MARK1: variants seen among roughly 807,000 people sequenced by gnomAD.
The protein encoded by MARK1 is serine/threonine-protein kinase MARK1.
In MARK1, 40 loss-of-function variants were observed where a neutral mutation model predicts 96.3. The ratio of observed to expected loss-of-function variants is 0.42; its 90% CI spans 0.32 to 0.54. MARK1 has a LOEUF of 0.54. Among genes scored for constraint, MARK1 ranks in the 20% least tolerant of loss-of-function variants. MARK1 has a pLI of 0.16. For missense variants in MARK1, 719 were observed against 984.6 expected (o/e 0.73, Z 3.61); for synonymous variants, 317 against 341.2 (o/e 0.93, Z 0.78).
intron 16 of MARK1, among the ~76,000 whole-genome samples, chr1:220,655,009 A>T (rs576963202): frequency 6.6e-6 from 1 of 152,338 alleles, no homozygotes; most frequent in South Asian, 2.1e-4. Context: ...TGTAGGAGCT[A>T]TTGCTACGGC....
chr1:220,605,546 A>G (rs1182709989), intron 6 of MARK1, among the ~76,000 whole-genome samples: 2 of 151,378 alleles, frequency 1.3e-5, no homozygotes, highest in Admixed American at 6.6e-5. Flanking sequence ...TTTAAGTTTC[A>G]GGGTACATGT....
At chr1:220,600,785 A>G (rs1216951586) in intron 5 of MARK1, among the ~76,000 whole-genome samples, 1 of 152,186 alleles carries the variant, frequency 6.6e-6, no homozygotes, top group Non-Finnish European at 1.5e-5. Context: ...AATGAAATTT[A>G]TAATTTTTAT....
intron 1 of MARK1, among the ~76,000 whole-genome samples, chr1:220,541,442 A>T (rs1661140827): frequency 6.6e-6 from 1 of 152,098 alleles, no homozygotes. Flanking sequence ...AATTTGTTCT[A>T]TAGTGTTCTT....
chr1:220,588,318 G>A (rs896069515), intron 3 of MARK1, among the ~76,000 whole-genome samples: 1 of 152,066 alleles, frequency 6.6e-6, no homozygotes. Flanking sequence ...GAAATTATAA[G>A]ACTTATAATC....
intron 1 of MARK1, among the ~76,000 whole-genome samples, chr1:220,536,467 G>C (rs1238508948): frequency 7.4e-5 from 11 of 148,994 alleles, no homozygotes; most frequent in Non-Finnish European, 1.6e-4. Context: ...ATACAATTAT[G>C]ACTATTTTCC....
chr1:220,595,347 C>G (rs1338329097), intron 3 of MARK1, among the ~76,000 whole-genome samples: 2 of 152,198 alleles, frequency 1.3e-5, no homozygotes, highest in African/African-American at 4.8e-5. Context: ...GACAAGCAAT[C>G]AGTAGCACGC....
intron 13 of MARK1, 88 bp downstream of exon 13, chr1:220,636,114 T>A (rs1667949496): frequency 1.1e-6 from 1 of 938,400 alleles, no homozygotes; most frequent in Non-Finnish European, 1.5e-6. Flanking sequence ...TTTTTTTAAA[T>A]GATTGAAAAA....
At chr1:220,580,569 C>G (rs1159258194) in intron 2 of MARK1, among the ~76,000 whole-genome samples, 1 of 152,094 alleles carries the variant, frequency 6.6e-6, no homozygotes, top group Non-Finnish European at 1.5e-5. Flanking sequence ...GAATTTGGTT[C>G]CTTCTGTCTA....
intron 1 of MARK1, among the ~76,000 whole-genome samples, chr1:220,568,464 G>T (rs1170695840): frequency 6.6e-6 from 1 of 152,066 alleles, no homozygotes; most frequent in Non-Finnish European, 1.5e-5. Context: ...AGTGAGAAGG[G>T]GCATAGTAGT....
At chr1:220,555,327 T>C (rs1025572726) in intron 1 of MARK1, among the ~76,000 whole-genome samples, 2 of 152,214 alleles carry the variant, frequency 1.3e-5, no homozygotes, top group Non-Finnish European at 1.5e-5. Flanking sequence ...TAATCACATA[T>C]GACTTAATTT....
chr1:220,577,138 AG>A (rs66997148), intron 1 of MARK1, among the ~76,000 whole-genome samples: 1,845 of 152,210 alleles, frequency 0.012, 35 homozygotes, highest in African/African-American at 0.042. Context: ...AAAAGTAGCC[AG>A]GGGCAGCAGT....
chr1:220,626,537 A>G (rs1370231493), intron 9 of MARK1: 6 of 499,200 alleles, frequency 1.2e-5, no homozygotes, highest in African/African-American at 1.9e-5. Context: ...ATCAAAGCAC[A>G]TGCTGGCCTG....
At chr1:220,644,548 C>CA (rs1227270546) in intron 13 of MARK1, among the ~76,000 whole-genome samples, 1 of 149,988 alleles carries the variant, frequency 6.7e-6, no homozygotes, top group African/African-American at 2.4e-5. Context: ...ACAAGATACT[C>CA]AGGACTTGAA....
At chr1:220,529,258 C>G (rs545565261) in intron 1 of MARK1, among the ~76,000 whole-genome samples, 1 of 152,218 alleles carries the variant, frequency 6.6e-6, no homozygotes, top group Admixed American at 6.5e-5. Flanking sequence ...GCAGACGAGC[C>G]GGCTACCTCT....
chr1:220,562,757 C>A (rs1662759245), intron 1 of MARK1, among the ~76,000 whole-genome samples: 1 of 152,098 alleles, frequency 6.6e-6, no homozygotes, highest in Non-Finnish European at 1.5e-5. Flanking sequence ...TTGTGTATAT[C>A]CTCCTATATA....
intron 11 of MARK1, among the ~76,000 whole-genome samples, chr1:220,635,172 T>C (rs551759155): frequency 6.6e-6 from 1 of 152,240 alleles, no homozygotes; most frequent in South Asian, 2.1e-4. Context: ...AGATTATGAG[T>C]AGTCACTAAA....
chr1:220,598,386 AATAT>A lies in MARK1; in HGVS notation c.358+16_358+19del. On this transcript the variant is annotated splice_region_variant and intron_variant, in intron 4 of 17. Transcript: ENST00000366917. ...CTGAATCATCCTAATATAGGTATGA[AATAT>A]ATATATATTATATATATATATATAT... 2.9e-6 allele frequency: 1 copy of A among 339,232 alleles called. No homozygotes were observed. Among genetic ancestry groups the A allele is most frequent in the Non-Finnish European group, 5.6e-6 (1 of 179,096 alleles). 21.0% of individuals were successfully genotyped at this position (339,232 alleles called of 1,614,324 possible). A position where few individuals can be genotyped will look rare whatever the true frequency, so the allele number is the denominator to read the frequency against.
chr1:220,618,474 T>C lies in MARK1; in HGVS notation c.717T>C (p.Asp239=). 1 of 1,614,168 alleles carries C rather than the reference T, an allele frequency of 6.2e-7. No homozygotes were observed. Among genetic ancestry groups the C allele is most frequent in the Non-Finnish European group, 8.5e-7 (1 of 1,180,018 alleles). Residue 239 remains aspartate (D), a synonymous_variant, in exon 8 of 18, where the codon GAT becomes GAC. Coordinates refer to ENST00000366917, the MANE Select transcript of MARK1 (RefSeq NM_018650.5). This position sits in a 1 kb window ranked among gnomAD's most constrained non-coding sequence, Gnocchi z 4.6. ...QGKKYDGPEV[D]VWSLGVILYT... The stretch of plus-strand genomic sequence containing the variant: ...AGAAGTATGATGGGCCTGAAGTGGA[T>C]GTGTGGAGTCTGGGCGTCATTCTCT...
In MARK1 at chr1:220,653,218, G is replaced by T; in HGVS notation, c.1854G>T (p.Gln618His). 6.2e-7 allele frequency: 1 copy of T among 1,614,214 alleles called. No individual in the cohort carries two copies. Among genetic ancestry groups the T allele is most frequent in the Non-Finnish European group, 8.5e-7 (1 of 1,180,056 alleles). Reference sequence around the variant, plus strand: ...GCCGAAGCACTTTCCATGGTGAACAGCTCCGGGAGCGACGCAGCGTTGCTT... The same window carrying T: ...GCCGAAGCACTTTCCATGGTGAACATCTCCGGGAGCGACGCAGCGTTGCTT... ...SSSRSTFHGE[Q>H]LRERRSVAYN... Residue 618 changes from glutamine (Q) to histidine (H), a missense_variant, in exon 16 of 18, where the codon CAG becomes CAT. Physicochemically the swap from Gln to His is conservative, Grantham distance 24. Coordinates refer to ENST00000366917, the MANE Select transcript of MARK1 (RefSeq NM_018650.5).
Sources: gnomAD v4.1 joint callset for allele counts (sites outside exome capture counted in the v4.1 genomes callset) on GRCh38, gnomAD v4.1.1 for gene constraint, Gnocchi (gnomAD v3.1) non-coding constraint, MANE v1.5 for transcripts, NCBI Gene and HGNC (gene_info 2026-07-23, HGNC 2026-07-21) for gene names.